Variants in KIF20B observed in about 807,000 individuals in gnomAD.
KIF20B encodes kinesin family member 20B.
Under a neutral mutation model 232.5 loss-of-function variants are expected in KIF20B, and 188 were observed. The observed-to-expected ratio is 0.81, with a 90% CI of 0.72 to 0.91. The LOEUF is 0.91. Ranked by LOEUF, KIF20B falls within the 40% of genes least tolerant of loss-of-function variation. The pLI, the probability that KIF20B is intolerant of heterozygous loss-of-function variation, is 0.00. For missense variants in KIF20B, 2,154 were observed against 2,055.9 expected, an observed-to-expected ratio of 1.05 and a Z score of -0.92; for synonymous variants, 712 against 683.0, an observed-to-expected ratio of 1.04 and a Z score of -0.66.
intron 29 of KIF20B, among the ~76,000 whole-genome samples, chr10:89,766,944 A>G (rs1024188228): frequency 6.6e-6 from 1 of 151,932 alleles, no homozygotes; most frequent in Non-Finnish European, 1.5e-5. Context: ...CGAAGAAGGA[A>G]ACACCGAGTG....
intron 31 of KIF20B, 45 bp downstream of exon 31, chr10:89,768,933 G>A: frequency 1.3e-6 from 2 of 1,488,062 alleles, no homozygotes; most frequent in Non-Finnish European, 9.1e-7. Flanking sequence ...TTAGATGTTG[G>A]GTATATTTTA....
Position 89,743,831 on chromosome 10 carries a change from T to A in KIF20B, c.3939T>A (p.Asp1313Glu). The change falls in exon 22 of 33, where the codon GAT becomes GAA. Residue 1313 changes from aspartate to glutamate, a missense_variant. Physicochemically the swap from Asp to Glu is conservative, Grantham distance 45. Coordinates refer to ENST00000371728, the MANE Select transcript of KIF20B (RefSeq NM_001284259.2). Reference sequence around the variant, plus strand: ...AGGTATCTGTAATGCGTGATGAGGATAAATTACTGAGGATTAAAATTAATG... The same window carrying A: ...AGGTATCTGTAATGCGTGATGAGGAAAAATTACTGAGGATTAAAATTAATG... ...QKEVSVMRDE[D>E]KLLRIKINEL... is the part of the protein sequence containing the mutation. The A allele has an allele frequency of 6.6e-7, 1 of 1,526,290 alleles. No homozygotes were observed. The highest frequency in any genetic ancestry group is 8.9e-7 in the Non-Finnish European group (1 of 1,118,102). 94.5% of individuals were successfully genotyped at this position (1,526,290 alleles called of 1,614,324 possible).
Position 89,733,030 on chromosome 10 carries a change from A to G in KIF20B, c.2519A>G (p.Gln840Arg), listed in dbSNP as rs989688519. ...AAAAGAGTAAATGAAAATGAACTTC[A>G]GCAAGATGAACCACCAGCAAAGAAA... ...ERKRVNENELQQDEPPAKKGS... is the reference protein window; with the variant it reads ...ERKRVNENELRQDEPPAKKGS... Residue 840 changes from glutamine (Q) to arginine (R), a missense_variant, in exon 19 of 33, where the codon CAG becomes CGG. Physicochemically the swap from Gln to Arg is conservative, Grantham distance 43. Transcript: ENST00000371728. 3 of 1,613,648 alleles carry G rather than the reference A, an allele frequency of 1.9e-6. No individual in the cohort carries two copies. The highest frequency in any genetic ancestry group is 2.5e-6 in the Non-Finnish European group (3 of 1,179,782).
At chr10:89,718,143 ACTTGCTCT>A (rs1842973059) in intron 11 of KIF20B, among the ~76,000 whole-genome samples, 1 of 152,234 alleles carries the variant, frequency 6.6e-6, no homozygotes, top group Non-Finnish European at 1.5e-5. Flanking sequence ...TCTCTTATAT[ACTTGCTCT>A]ATACTAGGGA....
chr10:89,741,840 A>T (rs1564668468), intron 21 of KIF20B, among the ~76,000 whole-genome samples: 1 of 152,180 alleles, frequency 6.6e-6, no homozygotes, highest in Non-Finnish European at 1.5e-5. Flanking sequence ...GCATATCCAC[A>T]TTGTTAGTGC....
chr10:89,773,923 T>G (rs1842517127), intron 32 of KIF20B, 48 bp from the exon 33 acceptor site: 2 of 1,142,116 alleles, frequency 1.8e-6, no homozygotes, highest in Admixed American at 2.2e-5. Context: ...GCTTTTATTT[T>G]TATTTTCACT....
At chr10:89,722,229 A>G (rs1328301972) in intron 13 of KIF20B, among the ~76,000 whole-genome samples, 1 of 152,198 alleles carries the variant, frequency 6.6e-6, no homozygotes, top group African/African-American at 2.4e-5. Context: ...TTTTAATTAA[A>G]GGATTGGGAC....
intron 2 of KIF20B, among the ~76,000 whole-genome samples, chr10:89,708,083 T>G (rs1391432244): frequency 6.6e-6 from 1 of 152,192 alleles, no homozygotes; most frequent in Non-Finnish European, 1.5e-5. Flanking sequence ...TATCTTAATG[T>G]GGTATTTTGT....
At chr10:89,716,297 G>C in intron 8 of KIF20B, 139 bp from the exon 9 acceptor site, 1 of 523,846 alleles carries the variant, frequency 1.9e-6, no homozygotes, top group Non-Finnish European at 3.4e-6. Context: ...TGAAATAGCT[G>C]AGTTGACTCC....
Position 89,725,135 on chromosome 10 carries a change from T to C in KIF20B, c.1978T>C (p.Cys660Arg), listed in dbSNP as rs775779401. ...TCGAGAAGAAGCAGCGAAAGACATT[T>C]GTGCCACAAAAGTTGAAACTGAAGT... ...DTREEAAKDI[C>R]ATKVETEETH... Residue 660 changes from cysteine to arginine, a missense_variant, in exon 15 of 33, where the codon TGT becomes CGT. By Grantham distance (180) the Cys-to-Arg change is radical (BLOSUM62 -3). Transcript: ENST00000371728. 1 of 1,614,034 alleles carries C rather than the reference T, an allele frequency of 6.2e-7. No individual in the cohort carries two copies. Among genetic ancestry groups the C allele is most frequent in the Non-Finnish European group, 8.5e-7 (1 of 1,179,970 alleles).
Position 89,738,314 on chromosome 10 carries a change from G to T in KIF20B, c.3473G>T (p.Cys1158Phe). The change falls in exon 20 of 33, where the codon TGC becomes TTC. Residue 1158 changes from cysteine (C) to phenylalanine (F), a missense_variant. Physicochemically the swap from Cys to Phe is radical, Grantham distance 205. Coordinates refer to ENST00000371728, the MANE Select transcript of KIF20B (RefSeq NM_001284259.2). ...TCAGAACTTACACAAGGTGTTACTT[G>T]CTATAAGGCAAAAATAAAGGAACTT... ...ALSELTQGVT[C>F]YKAKIKELET... 6.2e-7 allele frequency: 1 copy of T among 1,612,154 alleles called. No individual in the cohort carries two copies. Among genetic ancestry groups the T allele is most frequent in the Non-Finnish European group, 8.5e-7 (1 of 1,179,338 alleles).
chr10:89,758,377 A>T (rs937278649), intron 26 of KIF20B, among the ~76,000 whole-genome samples: 1 of 151,920 alleles, frequency 6.6e-6, no homozygotes, highest in Non-Finnish European at 1.5e-5. Context: ...GTTTGTTGCT[A>T]TTACTGTAAT....
chr10:89,710,052 A>G lies in KIF20B; in HGVS notation c.477A>G (p.Thr159=), dbSNP rs1176096809. ...ACGGGCTAACCAATTCAGGAAAAAC[A>G]TATACATTTCAAGGTAAATATTGTT... ...FTYGLTNSGK[T]YTFQGTEENI... The change falls in exon 5 of 33, where the codon ACA becomes ACG. Residue 159 remains threonine (T), a synonymous_variant. Coordinates refer to ENST00000371728, the MANE Select transcript of KIF20B (RefSeq NM_001284259.2). The G allele has an allele frequency of 3.1e-6, 5 of 1,604,000 alleles. No individual in the cohort carries two copies. The highest frequency in any genetic ancestry group is 1.7e-5 in the Admixed American group (1 of 57,574).
intron 29 of KIF20B, among the ~76,000 whole-genome samples, chr10:89,767,847 G>C (rs940885032): frequency 1.3e-5 from 2 of 151,992 alleles, no homozygotes; most frequent in African/African-American, 4.8e-5. Flanking sequence ...CAATAGGTAG[G>C]TATATTGTAT....
At chr10:89,762,948 A>C (rs1344612905) in intron 29 of KIF20B, 113 bp downstream of exon 29, 1 of 729,328 alleles carries the variant, frequency 1.4e-6, no homozygotes, top group Non-Finnish European at 2.3e-6. Flanking sequence ...GCTGTTAGAG[A>C]CCAAAATCAC....
rs1017139052 is a variant in KIF20B, at chr10:89,726,308, G to A, written c.2017G>A (p.Val673Ile). ...KVETEETHNY[V>I]GFEDIIDSLQ... ...CTATTTTTAGGAAACACATAATTAT[G>A]TAGGATTTGAAGATATTATTGATTC... Residue 673 changes from valine to isoleucine, a missense_variant, in exon 16 of 33, where the codon GTA (valine) becomes ATA (isoleucine). Physicochemically the swap from Val to Ile is conservative, Grantham distance 29. Coordinates refer to ENST00000371728, the MANE Select transcript of KIF20B (RefSeq NM_001284259.2). The A allele has an allele frequency of 1.3e-6, 2 of 1,547,696 alleles. No individual in the cohort carries two copies. Among genetic ancestry groups the A allele is most frequent in the Non-Finnish European group, 1.7e-6 (2 of 1,145,640 alleles).
chr10:89,705,251 T>C, intron 1 of KIF20B, 43 bp from the exon 2 acceptor site: 1 of 1,586,452 alleles, frequency 6.3e-7, no homozygotes, highest in Non-Finnish European at 8.6e-7. Context: ...GCTTACATGC[T>C]GACTTATTAA....
intron 29 of KIF20B, among the ~76,000 whole-genome samples, chr10:89,764,034 C>T (rs1842300783): frequency 7.1e-6 from 1 of 141,692 alleles, no homozygotes. Flanking sequence ...CTCCTAATGC[C>T]ATCCCTCCCC....
intron 26 of KIF20B, among the ~76,000 whole-genome samples, chr10:89,755,558 G>A (rs929912567): frequency 1.1e-4 from 15 of 141,968 alleles, no homozygotes; most frequent in Middle Eastern, 3.6e-3. Flanking sequence ...TCCCTTCCCC[G>A]TGCCCATCCC....
Sources: allele counts gnomAD v4.1 joint callset (sites outside exome capture counted in the v4.1 genomes callset), GRCh38; gene constraint gnomAD v4.1.1; transcripts MANE v1.5; gene names NCBI Gene and HGNC (gene_info 2026-07-23, HGNC 2026-07-21).